The following ZNF518B variants were observed in gnomAD, a reference collection of about 807,000 sequenced individuals.
The protein encoded by ZNF518B is zinc finger protein 518B.
A neutral mutation model predicts 56.3 loss-of-function variants in ZNF518B; 23 were observed. The ratio of observed to expected loss-of-function variants is 0.41; its 90% CI spans 0.29 to 0.58. The LOEUF is 0.58. Ranked by LOEUF, ZNF518B falls within the 20% of genes least tolerant of loss-of-function variation. The pLI, the probability that ZNF518B is intolerant of heterozygous loss-of-function variation, is 0.32. For synonymous variants in ZNF518B, 529 were observed against 465.9 expected (o/e 1.14, Z -1.74); for missense variants, 1,460 against 1,272.1 (o/e 1.15, Z -2.25).
chr4:10,446,186 G>A lies in ZNF518B; in HGVS notation c.143C>T (p.Ser48Leu), dbSNP rs1715042546. ...GGTCATCATGGCAGCCTCTGCCTCT[G>A]AGCCTTGATACAAAAGGGTTTGTGC... is the stretch of plus-strand genomic sequence containing the variant. ...QEAQTLLYQG[S>L]EAEAAMMTIA... Residue 48 changes from serine (S) to leucine (L), a missense_variant, in exon 3 of 3, where the codon TCA becomes TTA. Coordinates refer to ENST00000326756, the MANE Select transcript of ZNF518B (RefSeq NM_053042.3). The A allele has an allele frequency of 2.5e-6, 4 of 1,614,044 alleles. No homozygotes were observed. The highest frequency in any genetic ancestry group is 1.3e-5 in the African/African-American group (1 of 74,926).
In ZNF518B at chr4:10,441,824, T is replaced by G. The variant is rs974160631; in HGVS notation, c.*1280A>C. 4 of 152,014 alleles carry G rather than the reference T, an allele frequency of 2.6e-5. No individual in the cohort carries two copies. Among genetic ancestry groups the G allele is most frequent in the African/African-American group, 9.7e-5 (4 of 41,354 alleles). The allele number at this position is 152,014 out of a possible 1,614,324, so 9.4% of individuals were successfully genotyped here. On this transcript the variant is annotated 3_prime_UTR_variant, in exon 3 of 3. Transcript: ENST00000326756. ...GGGAGTGGAAGGAGTGTTCCTGGAG[T>G]TGCTTCCCTGAGAAAGCTGAGCAGC...
chr4:10,444,284 A>G lies in ZNF518B; in HGVS notation c.2045T>C (p.Leu682Ser), dbSNP rs529134486. Reference sequence around the variant, plus strand: ...GCGACGATGTGCACTATTTGAAGCCAAAGATGACGGCTTCCCACAGGACTC... The same window carrying G: ...GCGACGATGTGCACTATTTGAAGCCGAAGATGACGGCTTCCCACAGGACTC... ...LIESCGKPSS[L>S]ASNSAHRRSV... is the part of the protein sequence containing the mutation. The change falls in exon 3 of 3, where the codon TTG becomes TCG. Residue 682 changes from leucine to serine, a missense_variant. Coordinates refer to ENST00000326756, the MANE Select transcript of ZNF518B (RefSeq NM_053042.3). 5 of 1,614,212 alleles carry G rather than the reference A, an allele frequency of 3.1e-6. No homozygotes were observed. The African/African-American group carries it at 5.3e-5, about 17-fold the overall frequency.
Position 10,446,253 on chromosome 4 carries a change from G to A in ZNF518B, c.76C>T (p.Gln26Ter). 6.2e-7 allele frequency: 1 copy of A among 1,614,206 alleles called. No individual in the cohort carries two copies. The highest frequency in any genetic ancestry group is 8.5e-7 in the Non-Finnish European group (1 of 1,180,028). ...CGAGGTGCTCCATTAGCATCAGGCTGTTTGGGTGACATGGTCAAGGAATTA... is the reference window on the plus strand; with the variant it reads ...CGAGGTGCTCCATTAGCATCAGGCTATTTGGGTGACATGGTCAAGGAATTA... Reference protein sequence around the residue: ...GHNSLTMSPKQPDANGAPRPN... With the variant: ...GHNSLTMSPK The change falls in exon 3 of 3, where the codon CAG becomes TAG. Residue 26 changes from glutamine (Q) to a stop codon, truncating the protein, a stop_gained. Transcript: ENST00000326756. LOFTEE classifies it low-confidence loss of function (END_TRUNC).
Position 10,440,723 on chromosome 4 carries a change from T to C in ZNF518B, c.*2381A>G, listed in dbSNP as rs575891241. 3.6e-4 allele frequency: 53 copies of C among 147,930 alleles called. No individual in the cohort carries two copies. Among genetic ancestry groups the C allele is most frequent in the African/African-American group, 1.4e-3 (52 of 37,598 alleles). The allele number at this position is 147,930 out of a possible 1,614,324, so 9.2% of individuals were successfully genotyped here. A position where few individuals can be genotyped will look rare whatever the true frequency, so the allele number is the denominator to read the frequency against. ...ATGCAAGTTGTGTTTTTACTTATGCTTGAAAGTTGATGCTGCGAAGTGAAA... is the reference window on the plus strand; with the variant it reads ...ATGCAAGTTGTGTTTTTACTTATGCCTGAAAGTTGATGCTGCGAAGTGAAA... On this transcript the variant is annotated 3_prime_UTR_variant, in exon 3 of 3. Coordinates refer to ENST00000326756, the MANE Select transcript of ZNF518B (RefSeq NM_053042.3).
chr4:10,445,851 T>A lies in ZNF518B; in HGVS notation c.478A>T (p.Ile160Phe), dbSNP rs1560171498. Residue 160 changes from isoleucine (I) to phenylalanine (F), a missense_variant, in exon 3 of 3, where the codon ATT becomes TTT. Ile to Phe is a conservative substitution (Grantham distance 21). Coordinates refer to ENST00000326756, the MANE Select transcript of ZNF518B (RefSeq NM_053042.3). ...YKKHTLQHEEIKFICSHCSYI... is the reference protein window; with the variant it reads ...YKKHTLQHEEFKFICSHCSYI... ...CTGCAGTGAGAACAAATGAATTTAATCTCCTCGTGTTGAAGGGTGTGCTTT... is the reference window on the plus strand; with the variant it reads ...CTGCAGTGAGAACAAATGAATTTAAACTCCTCGTGTTGAAGGGTGTGCTTT... The A allele has an allele frequency of 1.2e-6, 2 of 1,614,246 alleles. No individual in the cohort carries two copies. The highest frequency in any genetic ancestry group is 1.7e-5 in the Admixed American group (1 of 60,036).
intron 1 of ZNF518B, among the ~76,000 whole-genome samples, chr4:10,456,348 T>G (rs1046932923): frequency 6.6e-6 from 1 of 152,190 alleles, no homozygotes; most frequent in Non-Finnish European, 1.5e-5. Flanking sequence ...TAAGAAACTT[T>G]CATTCTTTTG....
chr4:10,453,970 A>C (rs534129578), intron 2 of ZNF518B: 7 of 152,172 alleles, frequency 4.6e-5, no homozygotes, highest in African/African-American at 7.2e-5. Context: ...GATGTCCCCC[A>C]CCACCCGCAA....
upstream of ZNF518B, among the ~76,000 whole-genome samples, chr4:10,460,432 A>G (rs547876008): frequency 1.3e-5 from 2 of 152,044 alleles, no homozygotes; most frequent in South Asian, 4.2e-4. Context: ...CTCAGGGAAC[A>G]TTCATTTCTG....
chr4:10,456,965 C>G (rs569327659), intron 1 of ZNF518B, among the ~76,000 whole-genome samples: 1 of 150,626 alleles, frequency 6.6e-6, no homozygotes, highest in Non-Finnish European at 1.5e-5. Context: ...CCCGGCGCGT[C>G]GGCCGAGTCC....
chr4:10,445,024 T>C lies in ZNF518B; in HGVS notation c.1305A>G (p.Val435=). 6.2e-7 allele frequency: 1 copy of C among 1,614,228 alleles called. No individual in the cohort carries two copies. The highest frequency in any genetic ancestry group is 8.5e-7 in the Non-Finnish European group (1 of 1,180,038). ...VQKQLKNVKW[V]RSYDFIMPNS... ...TTGGCATAATAAAATCATAAGACCT[T>C]ACCCATTTCACATTTTTAAGCTGTT... Residue 435 remains valine, a synonymous_variant, in exon 3 of 3, where the codon GTA becomes GTG. Coordinates refer to ENST00000326756, the MANE Select transcript of ZNF518B (RefSeq NM_053042.3).
At chr4:10,450,813 C>T (rs1367876485) in intron 2 of ZNF518B, 1 of 152,206 alleles carries the variant, frequency 6.6e-6, no homozygotes, top group Non-Finnish European at 1.5e-5. Flanking sequence ...TTGCAAAAGC[C>T]TCTGCATTTG....
At chr4:10,451,988 T>C (rs1287175027) in intron 2 of ZNF518B, 5 of 152,234 alleles carry the variant, frequency 3.3e-5, no homozygotes, top group Non-Finnish European at 7.3e-5. Flanking sequence ...GACCACCACA[T>C]ACATTTCTGT....
intron 2 of ZNF518B, chr4:10,453,155 T>C (rs549348854): frequency 4.6e-5 from 7 of 152,244 alleles, no homozygotes; most frequent in Non-Finnish European, 8.8e-5. Context: ...ATACAGCTGA[T>C]GTGAGGACAA....
rs1714823989 is a variant in ZNF518B at position 10,443,992 on chromosome 4, C to A, written c.2337G>T (p.Arg779Ser). Residue 779 changes from arginine to serine, a missense_variant, in exon 3 of 3, where the codon AGG (arginine) becomes AGT (serine). Coordinates refer to ENST00000326756, the MANE Select transcript of ZNF518B (RefSeq NM_053042.3). ...GGGCATTCTCAGAGGAATTAAGAACCCTCAACACAGCCCCTTTGGGGATTA... is the reference window on the plus strand; with the variant it reads ...GGGCATTCTCAGAGGAATTAAGAACACTCAACACAGCCCCTTTGGGGATTA... ...PVLIPKGAVL[R>S]VLNSSENAHI... The A allele has an allele frequency of 6.2e-7, 1 of 1,614,070 alleles. No individual in the cohort carries two copies. The highest frequency in any genetic ancestry group is 8.5e-7 in the Non-Finnish European group (1 of 1,180,044).
At chr4:10,459,383 G>A (rs956898776), upstream of ZNF518B, among the ~76,000 whole-genome samples, 5 of 151,636 alleles carry the variant, frequency 3.3e-5, no homozygotes, top group African/African-American at 9.7e-5. Context: ...ATCATCACAC[G>A]TTCCCTACAC....
intron 2 of ZNF518B, chr4:10,452,846 A>T (rs1245535537): frequency 2.0e-5 from 3 of 152,220 alleles, no homozygotes; most frequent in Non-Finnish European, 4.4e-5. Context: ...CTGATGACGA[A>T]AAATACTTCC....
At chr4:10,452,057 T>C (rs1417314953) in intron 2 of ZNF518B, 1 of 152,218 alleles carries the variant, frequency 6.6e-6, no homozygotes, top group South Asian at 2.1e-4. Flanking sequence ...TTTTTGGATG[T>C]AGAAGCAAAC....
At chr4:10,460,203 G>A (rs953737778), upstream of ZNF518B, among the ~76,000 whole-genome samples, 1 of 149,942 alleles carries the variant, frequency 6.7e-6, no homozygotes, top group Admixed American at 6.7e-5. Context: ...TACTCAGGAG[G>A]CTGAGGCACG....
rs1447722668 is a variant in ZNF518B, at chr4:10,444,789, CA to C, written c.1539del (p.Phe513LeufsTer36). On this transcript the variant is annotated frameshift_variant, in exon 3 of 3. Coordinates refer to ENST00000326756, the MANE Select transcript of ZNF518B (RefSeq NM_053042.3). LOFTEE classifies it high-confidence loss of function. The part of the protein sequence containing the change: ...NPFPYKAAVC[F>X]AESGRNLHSS... ...CTGTGTAAATTTCTTCCACTTTCAG[CA>C]AAACAAACAGCAGCTTTATATGGAA... 1 of 1,613,564 alleles carries C rather than the reference CA, an allele frequency of 6.2e-7. No homozygotes were observed. The highest frequency in any genetic ancestry group is 8.5e-7 in the Non-Finnish European group (1 of 1,179,814).
Sources: allele counts gnomAD v4.1 joint callset (sites outside exome capture counted in the v4.1 genomes callset), GRCh38; gene constraint gnomAD v4.1.1; transcripts MANE v1.5; gene names NCBI Gene and HGNC (gene_info 2026-07-23, HGNC 2026-07-21).